Variants in KHDRBS2 observed in about 807,000 individuals in gnomAD.
The protein encoded by KHDRBS2 is KH RNA binding domain containing, signal transduction associated 2, also known as KH domain-containing, RNA-binding, signal transduction-associated protein 2.
KHDRBS2 carries 26 observed loss-of-function variants against 44.3 expected under a neutral mutation model. That is an observed-to-expected ratio of 0.59 (90% confidence interval 0.43 to 0.81). The LOEUF is 0.81. Ranked by LOEUF, KHDRBS2 falls within the 40% of genes least tolerant of loss-of-function variation. The probability of loss-of-function intolerance (pLI) is 0.00; values close to 1 mark genes in which losing one functional copy is unlikely to be tolerated. For synonymous variants in KHDRBS2, 194 were observed against 151.1 expected (o/e 1.28, Z -2.08); for missense variants, 476 against 433.1 (o/e 1.10, Z -0.88).
At chr6:62,101,518 CA>C (rs1225577848) in intron 2 of KHDRBS2, among the ~76,000 whole-genome samples, 1 of 152,138 alleles carries the variant, frequency 6.6e-6, no homozygotes, top group East Asian at 1.9e-4. Flanking sequence ...TGGTTTAGGT[CA>C]CTGCAATAAT....
chr6:62,217,251 A>G (rs563735327), intron 1 of KHDRBS2, among the ~76,000 whole-genome samples: 19 of 151,764 alleles, frequency 1.3e-4, no homozygotes, highest in African/African-American at 4.6e-4. Context: ...ATCTTTAACA[A>G]TCAATCAATC....
chr6:61,961,304 T>C (rs1406730884), intron 4 of KHDRBS2, among the ~76,000 whole-genome samples: 3 of 151,566 alleles, frequency 2.0e-5, no homozygotes, highest in Admixed American at 6.6e-5. Context: ...GAGAATGTAA[T>C]AGATAATAAA....
chr6:61,715,148 T>C (rs1019796977), intron 7 of KHDRBS2, among the ~76,000 whole-genome samples: 1 of 151,888 alleles, frequency 6.6e-6, no homozygotes, highest in Non-Finnish European at 1.5e-5. Flanking sequence ...CTGGAGGCTG[T>C]TTTTTTAACA....
chr6:61,746,714 C>A (rs1351884284), intron 6 of KHDRBS2, among the ~76,000 whole-genome samples: 1 of 151,984 alleles, frequency 6.6e-6, no homozygotes, highest in Non-Finnish European at 1.5e-5. Flanking sequence ...TGGTATTTCT[C>A]AAATGATATT....
intron 7 of KHDRBS2, among the ~76,000 whole-genome samples, chr6:61,719,881 A>C (rs1395077991): frequency 6.6e-6 from 1 of 151,930 alleles, no homozygotes; most frequent in Non-Finnish European, 1.5e-5. Flanking sequence ...GCACCCACTA[A>C]CTCGTCATCT....
At chr6:61,846,449 G>A (rs1273509170) in intron 6 of KHDRBS2, among the ~76,000 whole-genome samples, 3 of 152,072 alleles carry the variant, frequency 2.0e-5, no homozygotes, top group Non-Finnish European at 2.9e-5. Flanking sequence ...TTTCCTGATC[G>A]GTTACCTAGG....
chr6:61,634,890 TCTTAA>T, the KHDRBS2 span, among the ~76,000 whole-genome samples: 3 of 152,230 alleles, frequency 2.0e-5, no homozygotes, highest in Non-Finnish European at 2.9e-5. Context: ...TGCAGCAGCC[TCTTAA>T]CTTGTCTCAC....
the KHDRBS2 span, among the ~76,000 whole-genome samples, chr6:61,557,258 C>T: frequency 3.3e-5 from 5 of 152,082 alleles, no homozygotes; most frequent in African/African-American, 1.2e-4. Context: ...TTTAGTAATG[C>T]TCTTCACAGA....
At chr6:61,884,977 A>G (rs1800734967) in intron 6 of KHDRBS2, among the ~76,000 whole-genome samples, 1 of 152,156 alleles carries the variant, frequency 6.6e-6, no homozygotes, top group Admixed American at 6.5e-5. Context: ...GATTTAAAAA[A>G]TTATGTATCC....
chr6:61,827,419 C>T (rs1012596488), intron 6 of KHDRBS2, among the ~76,000 whole-genome samples: 1 of 152,106 alleles, frequency 6.6e-6, no homozygotes, highest in African/African-American at 2.4e-5. Context: ...GGTAAGCTGA[C>T]ACATGATGCC....
intron 2 of KHDRBS2, among the ~76,000 whole-genome samples, chr6:62,154,948 T>C (rs1816033627): frequency 6.6e-6 from 1 of 152,180 alleles, no homozygotes; most frequent in Admixed American, 6.5e-5. Flanking sequence ...AGTGGAGAAA[T>C]ACTGAAGGGT....
chr6:61,694,209 G>T (rs1159483354), intron 8 of KHDRBS2, among the ~76,000 whole-genome samples: 1 of 152,150 alleles, frequency 6.6e-6, no homozygotes, highest in Non-Finnish European at 1.5e-5. Flanking sequence ...TCAAGAGATT[G>T]TTCACTACAA....
At chr6:61,598,675 C>T in the KHDRBS2 span, among the ~76,000 whole-genome samples, 1 of 151,978 alleles carries the variant, frequency 6.6e-6, no homozygotes, top group African/African-American at 2.4e-5. Context: ...CTTTCCTGAC[C>T]CAACGGAATC....
At chr6:61,812,023 A>G (rs1788205395) in intron 6 of KHDRBS2, among the ~76,000 whole-genome samples, 1 of 152,204 alleles carries the variant, frequency 6.6e-6, no homozygotes, top group South Asian at 2.1e-4. Flanking sequence ...TGAAGTTCAT[A>G]TCTTTATCTT....
intron 2 of KHDRBS2, among the ~76,000 whole-genome samples, chr6:62,101,390 G>A (rs1043755003): frequency 6.6e-6 from 1 of 151,990 alleles, no homozygotes; most frequent in African/African-American, 2.4e-5. Context: ...GATTTCATGG[G>A]GTAAAATGGA....
chr6:62,097,566 C>T (rs746180652), intron 2 of KHDRBS2, among the ~76,000 whole-genome samples: 1 of 151,750 alleles, frequency 6.6e-6, no homozygotes, highest in South Asian at 2.1e-4. Context: ...TTTCAGTTTC[C>T]ATTTCCATGT....
At position 61,839,276 on chromosome 6, in the gene KHDRBS2, A is replaced by G. The variant is rs571936420; in HGVS notation, c.810+55359T>C. Among the ~76,000 whole-genome samples, 13 of 152,190 alleles carry G rather than the reference A, an allele frequency of 8.5e-5. No homozygotes were observed. The East Asian group carries it at 2.3e-3, about 27-fold the overall frequency. ...TGTAATTATGTATTTATTTCTGATT[A>G]TTTGTATCATTTCTCTATCTCCCCA... is the stretch of plus-strand genomic sequence containing the variant. On this transcript the variant is annotated intron_variant, in intron 6 of 8. Coordinates refer to ENST00000281156, the MANE Select transcript of KHDRBS2 (RefSeq NM_152688.4).
intron 4 of KHDRBS2, among the ~76,000 whole-genome samples, chr6:61,937,796 C>G (rs1562476136): frequency 1.3e-5 from 2 of 152,178 alleles, no homozygotes; most frequent in South Asian, 2.1e-4. Flanking sequence ...GAATTAAACT[C>G]TATCCTTTAA....
chr6:61,927,540 C>T (rs1285758305), intron 4 of KHDRBS2, among the ~76,000 whole-genome samples: 2 of 152,030 alleles, frequency 1.3e-5, no homozygotes, highest in South Asian at 2.1e-4. Context: ...GACTATTGCT[C>T]ATTTAAATAT....
Sources: allele counts gnomAD v4.1 joint callset (sites outside exome capture counted in the v4.1 genomes callset), GRCh38; gene constraint gnomAD v4.1.1; transcripts MANE v1.5; gene names NCBI Gene and HGNC (gene_info 2026-07-23, HGNC 2026-07-21).